Variants in GPR158 observed in about 807,000 individuals in gnomAD.
The protein encoded by GPR158 is metabotropic glycine receptor.
Under a neutral mutation model 78.2 loss-of-function variants are expected in GPR158, and 30 were observed. The observed-to-expected ratio is 0.38, with a 90% CI of 0.29 to 0.52. The LOEUF is 0.52. Ranked by LOEUF, GPR158 falls within the 20% of genes least tolerant of loss-of-function variation. The pLI is 0.83. For missense variants in GPR158, 1,463 were observed against 1,523.5 expected (o/e 0.96, Z 0.66); for synonymous variants, 581 against 591.1 (o/e 0.98, Z 0.25).
chr10:25,381,105 T>C (rs1834148350), intron 2 of GPR158, among the ~76,000 whole-genome samples: 1 of 151,698 alleles, frequency 6.6e-6, no homozygotes, highest in Non-Finnish European at 1.5e-5. Flanking sequence ...TGAAAGGGAG[T>C]GGCAAAAGAA....
chr10:25,514,875 A>C (rs1420526877), intron 5 of GPR158, among the ~76,000 whole-genome samples: 1 of 152,186 alleles, frequency 6.6e-6, no homozygotes, highest in African/African-American at 2.4e-5. Flanking sequence ...GTTTCTGCTG[A>C]TAATTCTGCT....
At chr10:25,564,023 C>A (rs1187936515) in intron 6 of GPR158, among the ~76,000 whole-genome samples, 1 of 151,956 alleles carries the variant, frequency 6.6e-6, no homozygotes, top group Non-Finnish European at 1.5e-5. Flanking sequence ...GATTCTCCAT[C>A]CTTTCCAGGC....
At chr10:25,226,044 G>A (rs1365412940) in intron 2 of GPR158, among the ~76,000 whole-genome samples, 1 of 152,074 alleles carries the variant, frequency 6.6e-6, no homozygotes, top group East Asian at 1.9e-4. Context: ...GAATCACTTA[G>A]AAATAGCTAT....
At chr10:25,538,813 G>A (rs1318803125) in intron 5 of GPR158, among the ~76,000 whole-genome samples, 1 of 152,134 alleles carries the variant, frequency 6.6e-6, no homozygotes, top group Non-Finnish European at 1.5e-5. Flanking sequence ...ATTAAGGATG[G>A]TATAAACTTC....
At chr10:25,459,644 C>G (rs1000963748) in intron 4 of GPR158, among the ~76,000 whole-genome samples, 2 of 152,110 alleles carry the variant, frequency 1.3e-5, no homozygotes, top group African/African-American at 2.4e-5. Context: ...AAAAATGCAG[C>G]CTTGAGCATT....
chr10:25,387,783 T>G (rs1754263), intron 2 of GPR158, among the ~76,000 whole-genome samples: 123,781 of 152,054 alleles, frequency 0.81, 51,411 homozygotes, highest in Non-Finnish European at 0.87. Context: ...CAAAGTGCTG[T>G]GATTACAGGT....
chr10:25,206,078 C>T (rs1853025055), intron 1 of GPR158, among the ~76,000 whole-genome samples: 1 of 151,598 alleles, frequency 6.6e-6, no homozygotes, highest in African/African-American at 2.4e-5. Flanking sequence ...CTCTGCCTCC[C>T]AGGTTCATGC....
Position 25,175,921 on chromosome 10 carries a change from C to T in GPR158, c.501C>T (p.Gly167=). 1 of 1,613,628 alleles carries T rather than the reference C, an allele frequency of 6.2e-7. No homozygotes were observed. The highest frequency in any genetic ancestry group is 8.5e-7 in the Non-Finnish European group (1 of 1,179,968). Residue 167 remains glycine, a synonymous_variant, in exon 1 of 11, where the codon GGC becomes GGT. Transcript: ENST00000376351. The surrounding 1 kb of genome is among the most constrained non-coding windows in gnomAD (Gnocchi z 6.4). ...CGCTGGTGTGGAGCCTTCTGGAGGG[C>T]GAGCCCAGCATCTCCCGGGCGGCCA... ...YQALVWSLLE[G]EPSISRAAIT... is the part of the protein sequence containing the mutation.
intron 2 of GPR158, among the ~76,000 whole-genome samples, chr10:25,387,834 G>C (rs1834243642): frequency 6.6e-6 from 1 of 152,106 alleles, no homozygotes; most frequent in Non-Finnish European, 1.5e-5. Flanking sequence ...TTTTTTGCAA[G>C]AGTTTAAGGA....
intron 2 of GPR158, among the ~76,000 whole-genome samples, chr10:25,256,176 A>G (rs889815685): frequency 3.9e-5 from 6 of 152,126 alleles, no homozygotes; most frequent in African/African-American, 1.2e-4. Flanking sequence ...TTCGACTGAA[A>G]AAAAAAAAAC....
At chr10:25,185,715 C>T (rs1031215167) in intron 1 of GPR158, among the ~76,000 whole-genome samples, 3 of 151,902 alleles carry the variant, frequency 2.0e-5, no homozygotes, top group East Asian at 3.9e-4. Context: ...CCCAGCTACT[C>T]GAGAGGCTGA....
chr10:25,456,646 TA>T (rs911953219), intron 4 of GPR158, among the ~76,000 whole-genome samples: 4 of 152,194 alleles, frequency 2.6e-5, no homozygotes, highest in Non-Finnish European at 5.9e-5. Context: ...CTTCTAAGAT[TA>T]AAAAGGTTCA....
At chr10:25,346,180 C>A (rs952612497) in intron 2 of GPR158, among the ~76,000 whole-genome samples, 31 of 151,770 alleles carry the variant, frequency 2.0e-4, no homozygotes, top group Non-Finnish European at 4.1e-4. Context: ...ATCAAATAGC[C>A]ATATGTTAGG....
At chr10:25,541,494 G>T (rs562614202) in intron 5 of GPR158, among the ~76,000 whole-genome samples, 54 of 151,764 alleles carry the variant, frequency 3.6e-4, no homozygotes, top group Middle Eastern at 6.8e-3. Context: ...ATCATGAAGA[G>T]ATTGTGTTCT....
In GPR158 at chr10:25,597,903, G is replaced by A. The variant is rs112521647; in HGVS notation, c.2277G>A (p.Thr759=). 3.1e-5 allele frequency: 50 copies of A among 1,610,402 alleles called. No homozygotes were observed. Among genetic ancestry groups the A allele is most frequent in the East Asian group, 2.0e-4 (9 of 44,828 alleles). ...GLGRSIMRRI[T]EIPETVSRQC... is the part of the protein sequence containing the mutation. Reference sequence around the variant, plus strand: ...GTCGTTCCATCATGAGACGCATTACGGAGATCCCAGAGACAGTCAGCCGGC... The same window carrying A: ...GTCGTTCCATCATGAGACGCATTACAGAGATCCCAGAGACAGTCAGCCGGC... The change falls in exon 11 of 11, where the codon ACG becomes ACA. Residue 759 remains threonine (T), a synonymous_variant. Coordinates refer to ENST00000376351, the MANE Select transcript of GPR158 (RefSeq NM_020752.3).
intron 5 of GPR158, among the ~76,000 whole-genome samples, chr10:25,502,180 C>G (rs950933435): frequency 6.6e-6 from 1 of 152,072 alleles, no homozygotes; most frequent in African/African-American, 2.4e-5. Flanking sequence ...TTTAAGCTTC[C>G]CCTGAGACAG....
At chr10:25,239,819 C>T (rs1646681682) in intron 2 of GPR158, among the ~76,000 whole-genome samples, 1 of 151,894 alleles carries the variant, frequency 6.6e-6, no homozygotes, top group Non-Finnish European at 1.5e-5. Context: ...TTGTAGTAAA[C>T]AAAACAAAGC....
rs186388488 is a variant in GPR158 at position 25,305,115 on chromosome 10, A to G, written c.1008+83958A>G. ...ATCATCCTATAGTTTGTTTGCCTCT[A>G]TGACCCTATCTCCCTGTAGAACTTG... On this transcript the variant is annotated intron_variant, in intron 2 of 10. Coordinates refer to ENST00000376351, the MANE Select transcript of GPR158 (RefSeq NM_020752.3). 3.3e-3 allele frequency among the ~76,000 whole-genome samples: 510 copies of G among 152,320 alleles called. 3 individuals carry two copies. The highest frequency in any genetic ancestry group is 0.011 in the African/African-American group (470 of 41,568).
At chr10:25,215,950 A>G (rs1251782598) in intron 1 of GPR158, among the ~76,000 whole-genome samples, 3 of 152,228 alleles carry the variant, frequency 2.0e-5, no homozygotes, top group Admixed American at 2.0e-4. Flanking sequence ...CTACAAATTC[A>G]CTTGTTCACA....
Sources: gnomAD v4.1 joint callset for allele counts (sites outside exome capture counted in the v4.1 genomes callset) on GRCh38, gnomAD v4.1.1 for gene constraint, Gnocchi (gnomAD v3.1) non-coding constraint, MANE v1.5 for transcripts, NCBI Gene and HGNC (gene_info 2026-07-23, HGNC 2026-07-21) for gene names.